Variants in MAGI2 observed in about 807,000 individuals in gnomAD.
The protein encoded by MAGI2 is membrane associated guanylate kinase, WW and PDZ domain containing 2.
A neutral mutation model predicts 133.3 loss-of-function variants in MAGI2; 35 were observed. The observed-to-expected ratio is 0.26, with a 90% CI of 0.20 to 0.35. The LOEUF (loss-of-function observed/expected upper bound fraction) is 0.35, where lower values mean the gene tolerates loss of function less well. MAGI2 is among the 10% of genes least tolerant of loss of function. MAGI2 has a pLI of 1.00. For missense variants in MAGI2, 1,636 were observed against 1,863.4 expected (o/e 0.88, Z 2.25); for synonymous variants, 729 against 710.6 (o/e 1.03, Z -0.41).
intron 6 of MAGI2, among the ~76,000 whole-genome samples, chr7:78,394,199 C>T (rs4730257): frequency 0.9 from 136,222 of 152,202 alleles, 61,191 homozygotes; most frequent in African/African-American, 0.96. Context: ...AATACTGTTT[C>T]AGCAACTATC....
intron 2 of MAGI2, among the ~76,000 whole-genome samples, chr7:78,990,440 C>T (rs1805648793): frequency 6.6e-6 from 1 of 151,986 alleles, no homozygotes; most frequent in African/African-American, 2.4e-5. Context: ...GAAATTCCAC[C>T]TCTATTCCTC....
intron 6 of MAGI2, among the ~76,000 whole-genome samples, chr7:78,398,338 A>G (rs1319350930): frequency 6.6e-6 from 1 of 152,114 alleles, no homozygotes; most frequent in African/African-American, 2.4e-5. Flanking sequence ...GCACCTCTCA[A>G]CTTGACTTGA....
At chr7:78,644,044 A>G (rs1810580212) in intron 2 of MAGI2, among the ~76,000 whole-genome samples, 1 of 152,170 alleles carries the variant, frequency 6.6e-6, no homozygotes, top group Non-Finnish European at 1.5e-5. Context: ...AATATCAGAA[A>G]AAGTAGATTT....
chr7:79,141,466 T>G (rs1452599403), intron 1 of MAGI2, among the ~76,000 whole-genome samples: 1 of 152,182 alleles, frequency 6.6e-6, no homozygotes, highest in African/African-American at 2.4e-5. Context: ...CAGAGCCAAA[T>G]TTATTCTTTG....
chr7:79,214,735 A>G (rs1221781491), intron 1 of MAGI2, among the ~76,000 whole-genome samples: 1 of 138,520 alleles, frequency 7.2e-6, no homozygotes, highest in East Asian at 2.0e-4. Flanking sequence ...AAATATATAA[A>G]TATAAATATA....
chr7:79,058,751 A>T (rs1813409895), intron 1 of MAGI2, among the ~76,000 whole-genome samples: 1 of 152,162 alleles, frequency 6.6e-6, no homozygotes, highest in African/African-American at 2.4e-5. Flanking sequence ...TGGAAAAATG[A>T]ACGCAAAACA....
intron 2 of MAGI2, among the ~76,000 whole-genome samples, chr7:78,629,789 A>T (rs1808766724): frequency 1.4e-4 from 22 of 152,084 alleles, no homozygotes; most frequent in Admixed American, 1.4e-3. Flanking sequence ...AGAAGACATG[A>T]GCTCATTCTT....
chr7:79,077,310 C>A (rs564181043), intron 1 of MAGI2, among the ~76,000 whole-genome samples: 42 of 152,006 alleles, frequency 2.8e-4, no homozygotes, highest in African/African-American at 9.2e-4. Flanking sequence ...GTAATCCCAG[C>A]ACTTTGGAAG....
At chr7:79,156,246 C>T (rs542278554) in intron 1 of MAGI2, among the ~76,000 whole-genome samples, 3 of 152,200 alleles carry the variant, frequency 2.0e-5, no homozygotes, top group African/African-American at 7.2e-5. Flanking sequence ...AAATATTTTA[C>T]CCCAAAACAT....
At chr7:78,599,261 G>A (rs1030978233) in intron 3 of MAGI2, among the ~76,000 whole-genome samples, 14 of 151,964 alleles carry the variant, frequency 9.2e-5, no homozygotes, top group Non-Finnish European at 1.3e-4. Flanking sequence ...ATACTTAAAA[G>A]GCACATTTTC....
At chr7:78,465,539 G>A (rs1450197846) in intron 6 of MAGI2, among the ~76,000 whole-genome samples, 1 of 152,158 alleles carries the variant, frequency 6.6e-6, no homozygotes, top group African/African-American at 2.4e-5. Flanking sequence ...ATGTAATTAT[G>A]AAAAGATGTA....
At chr7:78,227,949 T>C (rs1296742573) in intron 10 of MAGI2, among the ~76,000 whole-genome samples, 1 of 151,906 alleles carries the variant, frequency 6.6e-6, no homozygotes, top group Admixed American at 6.6e-5. Context: ...AAAATTTTTC[T>C]GTAAAGAGCC....
At chr7:78,121,098 C>G (rs1820428922) in intron 20 of MAGI2, among the ~76,000 whole-genome samples, 4 of 147,104 alleles carry the variant, frequency 2.7e-5, no homozygotes, top group Admixed American at 2.7e-4. Flanking sequence ...ACAGAGAAAT[C>G]AACTGTAGGT....
At chr7:79,058,561 T>C (rs1813386575) in intron 1 of MAGI2, among the ~76,000 whole-genome samples, 1 of 152,106 alleles carries the variant, frequency 6.6e-6, no homozygotes, top group South Asian at 2.1e-4. Flanking sequence ...ATTTTAATTT[T>C]CCCCATATTA....
At chr7:79,145,828 A>C (rs1027363296) in intron 1 of MAGI2, among the ~76,000 whole-genome samples, 3 of 152,222 alleles carry the variant, frequency 2.0e-5, no homozygotes, top group African/African-American at 4.8e-5. Flanking sequence ...AATTCAATTC[A>C]TGATTAAGGA....
intron 2 of MAGI2, among the ~76,000 whole-genome samples, chr7:78,966,570 A>G (rs1803327170): frequency 6.6e-6 from 1 of 152,012 alleles, no homozygotes; most frequent in Non-Finnish European, 1.5e-5. Context: ...TTATCTACTC[A>G]TCTGTTGATG....
chr7:78,510,522 A>G (rs1795474103), intron 4 of MAGI2, among the ~76,000 whole-genome samples: 1 of 152,172 alleles, frequency 6.6e-6, no homozygotes, highest in South Asian at 2.1e-4. Flanking sequence ...AACAAAAGGT[A>G]TGGTCAATTT....
At chr7:78,454,640 C>T (rs1239270126) in intron 6 of MAGI2, among the ~76,000 whole-genome samples, 3 of 152,150 alleles carry the variant, frequency 2.0e-5, no homozygotes, top group African/African-American at 7.2e-5. Context: ...CAACTTAATT[C>T]ATATTTGCCA....
chr7:78,655,440 C>CAAAAAAAAAAAAAAAAAAAAAAAAAAA (rs1200768376), intron 2 of MAGI2, among the ~76,000 whole-genome samples: 1 of 28,852 alleles, frequency 3.5e-5, no homozygotes, highest in Non-Finnish European at 7.1e-5. Context: ...AAAAAACAAA[C>CAAAAAAAAAAAAAAAAAAAAAAAAAAA]AAAAAAAAAC....
Sources: allele counts gnomAD v4.1 joint callset (sites outside exome capture counted in the v4.1 genomes callset), GRCh38; gene constraint gnomAD v4.1.1; transcripts MANE v1.5; gene names NCBI Gene and HGNC (gene_info 2026-07-23, HGNC 2026-07-21).